Variants in ABCA13 observed in about 807,000 individuals in gnomAD.
ABCA13 encodes the protein ATP binding cassette subfamily A member 13.
In ABCA13, 476 loss-of-function variants were observed where a neutral mutation model predicts 478.7. The observed-to-expected ratio is 0.99, with a 90% CI of 0.92 to 1.07. ABCA13 has a LOEUF of 1.07. Ranked by LOEUF, ABCA13 falls within the 50% of genes least tolerant of loss-of-function variation. The pLI, the probability that ABCA13 is intolerant of heterozygous loss-of-function variation, is 0.00. For synonymous variants in ABCA13, 2,252 were observed against 2,158.9 expected, an observed-to-expected ratio of 1.04 and a Z score of -1.20; for missense variants, 6,060 against 5,910.6, an observed-to-expected ratio of 1.03 and a Z score of -0.83.
chr7:48,269,187 T>G (rs1795268244), intron 16 of ABCA13, 93 bp downstream of exon 16: 6 of 683,662 alleles, frequency 8.8e-6, no homozygotes, highest in Middle Eastern at 2.6e-4. Context: ...CTTTAAAATT[T>G]ATGAGCCTGA....
In ABCA13 at chr7:48,563,161, A is replaced by T. The variant is rs117264417; in HGVS notation, c.14355-17063A>T. Among the ~76,000 whole-genome samples the T allele has an allele frequency of 9.1e-3, 1,393 of 152,276 alleles. 4 individuals carry two copies. Among genetic ancestry groups the T allele is most frequent in the Non-Finnish European group, 0.015 (1,014 of 68,022 alleles). On this transcript the variant is annotated intron_variant, in intron 55 of 61. Transcript: ENST00000435803. ...AGGTGTGTCAAAGTCACTGAAAGGT[A>T]TAGTTTTCCCCAGTCATGCAGCATT...
intron 59 of ABCA13, among the ~76,000 whole-genome samples, chr7:48,642,787 G>T (rs1245302058): frequency 6.6e-6 from 1 of 152,168 alleles, no homozygotes; most frequent in Non-Finnish European, 1.5e-5. Flanking sequence ...CAGTCATAGG[G>T]CCTGTCCACC....
At position 48,550,265 on chromosome 7, in the gene ABCA13, C is replaced by CTTTTTTTTTT. The variant is rs57540403; in HGVS notation, c.14354+21928_14354+21929insTTTTTTTTTT. On this transcript the variant is annotated intron_variant, in intron 55 of 61. Coordinates refer to ENST00000435803, the MANE Select transcript of ABCA13 (RefSeq NM_152701.5). ...CAAACTCTTTGAAGTCTCTATTTTT[C>CTTTTTTTTTT]TTTTTTTTGGAAATGGAGTCTCGCT... Among the ~76,000 whole-genome samples, 43 of 148,408 alleles carry CTTTTTTTTTT rather than the reference C, an allele frequency of 2.9e-4. 3 individuals carry two copies. Among genetic ancestry groups the CTTTTTTTTTT allele is most frequent in the East Asian group, 1.4e-3 (7 of 5,014 alleles).
intron 55 of ABCA13, among the ~76,000 whole-genome samples, chr7:48,542,905 T>C (rs910240710): frequency 3.3e-5 from 5 of 151,744 alleles, no homozygotes; most frequent in African/African-American, 4.8e-5. Context: ...CTAAATGACT[T>C]AAGAAATATT....
At chr7:48,195,528 A>G (rs550796833) in intron 2 of ABCA13, among the ~76,000 whole-genome samples, 1 of 152,234 alleles carries the variant, frequency 6.6e-6, no homozygotes, top group South Asian at 2.1e-4. Flanking sequence ...GGAACAGCTG[A>G]GTGGAGAGTG....
chr7:48,246,556 C>T (rs1791714976), intron 13 of ABCA13, among the ~76,000 whole-genome samples: 1 of 151,874 alleles, frequency 6.6e-6, no homozygotes, highest in South Asian at 2.1e-4. Flanking sequence ...ATTAAAATTA[C>T]AATATTTATA....
intron 15 of ABCA13, among the ~76,000 whole-genome samples, chr7:48,268,544 C>G (rs1795170943): frequency 6.6e-6 from 1 of 152,206 alleles, no homozygotes; most frequent in South Asian, 2.1e-4. Flanking sequence ...TCTGAATACT[C>G]AAGCGAAGCA....
chr7:48,180,817 G>A (rs1335753032), intron 1 of ABCA13, among the ~76,000 whole-genome samples: 11 of 152,206 alleles, frequency 7.2e-5, no homozygotes, highest in Admixed American at 1.3e-4. Flanking sequence ...CAGGAGGATC[G>A]CTTCAGCCCA....
rs141796401 is a variant in ABCA13 at position 48,298,823 on chromosome 7, G to A, written c.9321+336G>A. On this transcript the variant is annotated intron_variant, in intron 23 of 61. Transcript: ENST00000435803. ...AGGGTCTCGGCTTGATTCAGCAGGT[G>A]TTGCAAAATTCTTAAAATACCCAAA... Among the ~76,000 whole-genome samples the A allele has an allele frequency of 5.1e-4, 78 of 152,322 alleles. No homozygotes were observed. The East Asian group carries it at 0.013, about 26-fold the overall frequency.
rs10559411 is a variant in ABCA13 at position 48,565,214 on chromosome 7, CTT to C, written c.14355-14993_14355-14992del. Among the ~76,000 whole-genome samples the C allele has an allele frequency of 2.8e-3, 321 of 113,736 alleles. 3 individuals carry two copies. Among genetic ancestry groups the C allele is most frequent in the African/African-American group, 6.2e-3 (189 of 30,652 alleles). 74.6% of individuals were successfully genotyped at this position (113,736 alleles called of 152,430 possible). On this transcript the variant is annotated intron_variant, in intron 55 of 61. Transcript: ENST00000435803. ...CAGAGCATGTGTGTAATTTAATGAG[CTT>C]TTTTTTTTTTTTTTTTGCCAGTAGT...
intron 39 of ABCA13, among the ~76,000 whole-genome samples, 161 bp from the exon 40 acceptor site, chr7:48,410,359 G>T (rs923061771): frequency 6.6e-6 from 1 of 152,102 alleles, no homozygotes. Flanking sequence ...TCAGGGCCTC[G>T]AATTGGCAAA....
At chr7:48,183,795 C>A (rs183572187) in intron 1 of ABCA13, among the ~76,000 whole-genome samples, 73 of 152,316 alleles carry the variant, frequency 4.8e-4, no homozygotes, top group Middle Eastern at 3.4e-3. Context: ...GTTTATTGAT[C>A]TATTCTCCCA....
intron 56 of ABCA13, among the ~76,000 whole-genome samples, chr7:48,582,515 G>A (rs189886409): frequency 6.6e-6 from 1 of 152,244 alleles, no homozygotes; most frequent in East Asian, 1.9e-4. Context: ...GCTCACCTTA[G>A]TTGTTTTCTT....
In ABCA13 at chr7:48,490,574, C is replaced by T. The variant is rs1202726649; in HGVS notation, c.13291+1230C>T. Among the ~76,000 whole-genome samples the T allele has an allele frequency of 2.0e-5, 3 of 152,058 alleles. No homozygotes were observed. The East Asian group carries it at 5.8e-4, about 29-fold the overall frequency. ...AGAGGGGAAGTCATTAACACTGGAT[C>T]TTGAACAATGAGCAGAAGTTTGACT... is the stretch of plus-strand genomic sequence containing the variant. On this transcript the variant is annotated intron_variant, in intron 48 of 61. Transcript: ENST00000435803.
At chr7:48,189,860 C>A (rs1025657815) in intron 1 of ABCA13, among the ~76,000 whole-genome samples, 4 of 151,852 alleles carry the variant, frequency 2.6e-5, no homozygotes, top group Admixed American at 2.0e-4. Flanking sequence ...ATACCATAAG[C>A]CATGAAAAGG....
intron 15 of ABCA13, among the ~76,000 whole-genome samples, chr7:48,254,340 T>C (rs145966741): frequency 3.6e-4 from 55 of 152,298 alleles, no homozygotes; most frequent in Non-Finnish European, 6.9e-4. Context: ...CATAGCTCAC[T>C]GTAGCCTCGA....
At chr7:48,631,364 T>G (rs1163327036) in intron 59 of ABCA13, among the ~76,000 whole-genome samples, 2 of 152,152 alleles carry the variant, frequency 1.3e-5, no homozygotes, top group Non-Finnish European at 2.9e-5. Flanking sequence ...TTCATTCTTT[T>G]GCATGTGGCT....
chr7:48,426,916 G>A (rs1219055491), intron 41 of ABCA13, among the ~76,000 whole-genome samples: 1 of 129,614 alleles, frequency 7.7e-6, no homozygotes, highest in African/African-American at 3.1e-5. Flanking sequence ...AACACTCTGC[G>A]TGGTGCAGTC....
chr7:48,240,989 T>C lies in ABCA13; in HGVS notation c.1185T>C (p.Ala395=). The C allele has an allele frequency of 6.2e-7, 1 of 1,614,016 alleles. No homozygotes were observed. The highest frequency in any genetic ancestry group is 8.5e-7 in the Non-Finnish European group (1 of 1,179,872). Reference sequence around the variant, plus strand: ...GCAAGCCCTGGAAGGTGGTGGAAGCTCTGCACACTGCACTGCTCCTGCTGA... The same window carrying C: ...GCAAGCCCTGGAAGGTGGTGGAAGCCCTGCACACTGCACTGCTCCTGCTGA... ...EESKPWKVVE[A]LHTALLLLND... The change falls in exon 10 of 62, where the codon GCT becomes GCC. Residue 395 remains alanine (A), a synonymous_variant. Coordinates refer to ENST00000435803, the MANE Select transcript of ABCA13 (RefSeq NM_152701.5).
Sources: gnomAD v4.1 joint callset for allele counts (sites outside exome capture counted in the v4.1 genomes callset) on GRCh38, gnomAD v4.1.1 for gene constraint, MANE v1.5 for transcripts, NCBI Gene and HGNC (gene_info 2026-07-23, HGNC 2026-07-21) for gene names.